Variants in ARHGEF10L observed in about 807,000 individuals in gnomAD.
The protein encoded by ARHGEF10L is Rho guanine nucleotide exchange factor 10 like, also known as rho guanine nucleotide exchange factor 10-like protein.
In ARHGEF10L, 69 loss-of-function variants were observed where a neutral mutation model predicts 141.2. The ratio of observed to expected loss-of-function variants is 0.49; its 90% CI spans 0.40 to 0.60. ARHGEF10L has a LOEUF of 0.60. Among genes scored for constraint, ARHGEF10L ranks in the 20% least tolerant of loss-of-function variants. The pLI is 0.00. For missense variants in ARHGEF10L, 1,482 were observed against 1,734.3 expected (o/e 0.85, Z 2.58); for synonymous variants, 711 against 718.5 (o/e 0.99, Z 0.17).
At chr1:17,535,810 T>G (rs1023406650), upstream of ARHGEF10L, among the ~76,000 whole-genome samples, 3 of 152,202 alleles carry the variant, frequency 2.0e-5, no homozygotes, top group Non-Finnish European at 2.9e-5. Context: ...ACCCATCCAC[T>G]CATCTATTCA....
At chr1:17,634,120 C>A (rs1313528903) in intron 16 of ARHGEF10L, 2 of 213,564 alleles carry the variant, frequency 9.4e-6, no homozygotes, top group Non-Finnish European at 1.9e-5. Flanking sequence ...TACTCACTCA[C>A]TCAATCAAAG....
At position 17,680,313 on chromosome 1, in the gene ARHGEF10L, C is replaced by G. The variant is rs2064021495; in HGVS notation, c.3010-7260C>G. 2.6e-5 allele frequency among the ~76,000 whole-genome samples: 4 copies of G among 152,236 alleles called. No homozygotes were observed. The South Asian group carries it at 8.3e-4, about 32-fold the overall frequency. On this transcript the variant is annotated intron_variant, in intron 26 of 28. Transcript: ENST00000361221. ...CCTGTGCCCAGCGAGCCTTCCGGCC[C>G]CTTGGCGACATCTCAGCTCTAATGA...
intron 1 of ARHGEF10L, among the ~76,000 whole-genome samples, chr1:17,580,053 A>G (rs1243724869): frequency 6.6e-6 from 1 of 152,220 alleles, no homozygotes. Flanking sequence ...ATGGGGCAGG[A>G]CAGGAAGAGG....
At chr1:17,618,278 C>T in intron 9 of ARHGEF10L, 1 of 1,438,944 alleles carries the variant, frequency 6.9e-7, no homozygotes. Flanking sequence ...CCCACAAGCC[C>T]AGCGCCTTCC....
intron 26 of ARHGEF10L, among the ~76,000 whole-genome samples, chr1:17,680,537 G>T (rs1318093168): frequency 6.6e-6 from 1 of 152,168 alleles, no homozygotes; most frequent in Admixed American, 6.5e-5. Flanking sequence ...CCGTGGGCAG[G>T]CTCAGGACAC....
At chr1:17,585,866 A>G (rs2078980731) in intron 2 of ARHGEF10L, among the ~76,000 whole-genome samples, 1 of 152,182 alleles carries the variant, frequency 6.6e-6, no homozygotes. Context: ...CTGGGTCCGC[A>G]GACCCATGGG....
chr1:17,643,124 CA>C (rs1283570696), intron 21 of ARHGEF10L, among the ~76,000 whole-genome samples: 5 of 152,248 alleles, frequency 3.3e-5, no homozygotes, highest in African/African-American at 1.2e-4. Flanking sequence ...TTTATTTTGC[CA>C]GTATTTTTTT....
At chr1:17,604,654 C>T (rs866447734) in intron 6 of ARHGEF10L, 2 of 152,264 alleles carry the variant, frequency 1.3e-5, no homozygotes, top group Admixed American at 1.3e-4. Flanking sequence ...AACGGGGACA[C>T]CTGGGCCAAG....
chr1:17,527,475 G>A, the ARHGEF10L span, among the ~76,000 whole-genome samples: 1 of 152,216 alleles, frequency 6.6e-6, no homozygotes, highest in East Asian at 1.9e-4. Flanking sequence ...CCACCCTGGA[G>A]CCACAGGGCA....
chr1:17,687,896 G>C (rs2064753158), intron 27 of ARHGEF10L, 149 bp downstream of exon 27: 1 of 895,892 alleles, frequency 1.1e-6, no homozygotes, highest in South Asian at 1.9e-5. Context: ...GGAAGTGGTG[G>C]GGTTGGGATT....
At chr1:17,642,671 C>T (rs186210823) in intron 21 of ARHGEF10L, among the ~76,000 whole-genome samples, 1 of 152,194 alleles carries the variant, frequency 6.6e-6, no homozygotes, top group Non-Finnish European at 1.5e-5. Context: ...CTGACCTCAG[C>T]TGGATGTTTC....
intron 3 of ARHGEF10L, 148 bp from the exon 4 acceptor site, chr1:17,588,298 G>C: frequency 1.3e-6 from 1 of 766,326 alleles, no homozygotes; most frequent in Non-Finnish European, 2.2e-6. Context: ...CCAGGGCTGG[G>C]GGAGGGAGGC....
In ARHGEF10L at chr1:17,587,493, C is replaced by A; in HGVS notation, c.71C>A (p.Ser24Tyr). The A allele has an allele frequency of 6.2e-7, 1 of 1,614,122 alleles. No individual in the cohort carries two copies. Among genetic ancestry groups the A allele is most frequent in the Non-Finnish European group, 8.5e-7 (1 of 1,179,988 alleles). The change falls in exon 3 of 29, where the codon TCC (serine) becomes TAC (tyrosine). Residue 24 changes from serine (S) to tyrosine (Y), a missense_variant. Physicochemically the swap from Ser to Tyr is moderately radical, Grantham distance 144. This residue lies in a region of ARHGEF10L where 232 missense variants were observed against 225.9 expected (regional missense o/e 1.03). Transcript: ENST00000361221. ...DQLVPGVPGP[S>Y]SEAEDDPGEA... ...CTGGTTCCAGGAGTCCCAGGCCCCT[C>A]CTCTGAGGCAGAGGACGACCCAGGA...
the ARHGEF10L span, among the ~76,000 whole-genome samples, chr1:17,534,504 A>G: frequency 2.7e-5 from 4 of 148,050 alleles, no homozygotes; most frequent in African/African-American, 1.0e-4. Flanking sequence ...CAAGTGATCC[A>G]CCCACCTCGG....
At chr1:17,655,151 C>G (rs2062149377) in intron 23 of ARHGEF10L, among the ~76,000 whole-genome samples, 2 of 152,140 alleles carry the variant, frequency 1.3e-5, no homozygotes, top group Admixed American at 1.3e-4. Flanking sequence ...CCACTATGTT[C>G]CTTGTGCTGC....
At chr1:17,676,344 CGTGGGTGCAGGT>C (rs113908854) in intron 26 of ARHGEF10L, among the ~76,000 whole-genome samples, 1,657 of 108,812 alleles carry the variant, frequency 0.015, 37 homozygotes, top group Admixed American at 0.075. Context: ...TGGGTGCAGG[CGTGGGTGCAGGT>C]GTGGGTGCAG....
chr1:17,548,720 C>A (rs528097408), intron 1 of ARHGEF10L, among the ~76,000 whole-genome samples: 1 of 139,162 alleles, frequency 7.2e-6, no homozygotes, highest in African/African-American at 2.8e-5. Flanking sequence ...ATGGTCTTGG[C>A]TCACTGCATC....
At chr1:17,560,913 G>A (rs2077520269) in intron 1 of ARHGEF10L, among the ~76,000 whole-genome samples, 1 of 152,232 alleles carries the variant, frequency 6.6e-6, no homozygotes, top group African/African-American at 2.4e-5. Flanking sequence ...GGGACACCCA[G>A]GGAGGAGCCA....
chr1:17,688,995 C>T (rs1338050454), intron 27 of ARHGEF10L, among the ~76,000 whole-genome samples: 5 of 152,082 alleles, frequency 3.3e-5, no homozygotes, highest in Non-Finnish European at 7.4e-5. Flanking sequence ...GTGATGAGGC[C>T]CCAAGTGCTT....
Sources: gnomAD v4.1 joint callset for allele counts (sites outside exome capture counted in the v4.1 genomes callset) on GRCh38, gnomAD v4.1.1 for gene constraint, gnomAD v4.1.1 regional missense constraint, MANE v1.5 for transcripts, NCBI Gene and HGNC (gene_info 2026-07-23, HGNC 2026-07-21) for gene names.